The following MSRA variants were observed in gnomAD, a reference collection of about 807,000 sequenced individuals.
The protein encoded by MSRA is methionine sulfoxide reductase A.
In MSRA, 54 loss-of-function variants were observed where a neutral mutation model predicts 31.3. The ratio of observed to expected loss-of-function variants is 1.73; its 90% confidence interval spans 1.39 to 2.17. The LOEUF is 2.17. Ranked by LOEUF, MSRA falls within the 30% of genes most tolerant of loss-of-function variation. The pLI, the probability that MSRA is intolerant of heterozygous loss-of-function variation, is 0.00. For synonymous variants in MSRA, 169 were observed against 116.5 expected (o/e 1.45, Z -2.90); for missense variants, 507 against 300.9 (o/e 1.69, Z -5.07).
chr8:10,084,484 G>A (rs1486925148), intron 1 of MSRA, among the ~76,000 whole-genome samples: 10 of 152,222 alleles, frequency 6.6e-5, no homozygotes, highest in Admixed American at 5.9e-4. Flanking sequence ...ATTATTTCAT[G>A]TGGGGATTGG....
chr8:10,277,056 T>A (rs917689016), intron 3 of MSRA, among the ~76,000 whole-genome samples: 4 of 152,212 alleles, frequency 2.6e-5, no homozygotes, highest in Non-Finnish European at 4.4e-5. Flanking sequence ...AGAAAGTATA[T>A]ACCTCATTAC....
intron 1 of MSRA, among the ~76,000 whole-genome samples, chr8:10,063,562 C>CA (rs1446416734): frequency 6.6e-6 from 1 of 152,152 alleles, no homozygotes; most frequent in African/African-American, 2.4e-5. Context: ...CTCACCCCCC[C>CA]AGGTGATGGG....
At chr8:10,277,436 T>G (rs996424349) in intron 3 of MSRA, among the ~76,000 whole-genome samples, 2 of 152,192 alleles carry the variant, frequency 1.3e-5, no homozygotes, top group Non-Finnish European at 1.5e-5. Flanking sequence ...TTTCTAAGAA[T>G]AGGAAATTGA....
At chr8:10,212,399 C>T (rs1457519892) in intron 2 of MSRA, among the ~76,000 whole-genome samples, 1 of 152,008 alleles carries the variant, frequency 6.6e-6, no homozygotes, top group Non-Finnish European at 1.5e-5. Context: ...ATAATAAATA[C>T]ACACCAAGTT....
At chr8:10,074,646 C>T (rs186465970) in intron 1 of MSRA, among the ~76,000 whole-genome samples, 1 of 151,984 alleles carries the variant, frequency 6.6e-6, no homozygotes, top group African/African-American at 2.4e-5. Context: ...TAATACACCC[C>T]TTCTTCTTCT....
At chr8:10,400,453 T>C (rs1309383456) in intron 5 of MSRA, among the ~76,000 whole-genome samples, 1 of 151,844 alleles carries the variant, frequency 6.6e-6, no homozygotes, top group Non-Finnish European at 1.5e-5. Flanking sequence ...ATCAAGCCTA[T>C]TGACTCCCCA....
intron 2 of MSRA, among the ~76,000 whole-genome samples, chr8:10,217,212 G>A (rs1051205864): frequency 1.3e-5 from 2 of 152,216 alleles, no homozygotes; most frequent in Non-Finnish European, 2.9e-5. Context: ...AATTTTTCAA[G>A]GGTACTTAGG....
intron 1 of MSRA, among the ~76,000 whole-genome samples, chr8:10,114,321 T>C (rs1800515456): frequency 6.6e-6 from 1 of 152,218 alleles, no homozygotes; most frequent in Admixed American, 6.5e-5. Context: ...CTTGTGTGAA[T>C]ATATGTTTTC....
chr8:10,207,726 AT>A, intron 1 of MSRA, 106 bp from the exon 2 acceptor site: 1 of 1,044,112 alleles, frequency 9.6e-7, no homozygotes, highest in Non-Finnish European at 1.4e-6. Flanking sequence ...GCTTGGGTGC[AT>A]TTTTAACTCA....
At chr8:10,130,559 T>C (rs892243788) in intron 1 of MSRA, among the ~76,000 whole-genome samples, 15 of 152,202 alleles carry the variant, frequency 9.9e-5, no homozygotes, top group African/African-American at 3.4e-4. Context: ...ACAAAAATTG[T>C]GTAGGCTTTG....
intron 5 of MSRA, among the ~76,000 whole-genome samples, chr8:10,329,690 T>G (rs4841318): frequency 2.6e-5 from 4 of 151,732 alleles, no homozygotes; most frequent in Non-Finnish European, 4.4e-5. Context: ...GAGACTGAAA[T>G]TGGGGGCTCT....
At chr8:10,187,330 C>G (rs189342345) in intron 1 of MSRA, among the ~76,000 whole-genome samples, 1 of 152,186 alleles carries the variant, frequency 6.6e-6, no homozygotes, top group East Asian at 1.9e-4. Flanking sequence ...TTGTATTCCA[C>G]TATTTGTGGA....
At chr8:10,321,088 A>G (rs144114239) in intron 5 of MSRA, among the ~76,000 whole-genome samples, 19 of 152,334 alleles carry the variant, frequency 1.2e-4, no homozygotes, top group Non-Finnish European at 2.1e-4. Flanking sequence ...AAATATATAC[A>G]TGATATCACA....
chr8:10,353,316 G>A (rs1006504128), intron 5 of MSRA, among the ~76,000 whole-genome samples: 2 of 152,208 alleles, frequency 1.3e-5, no homozygotes, highest in African/African-American at 4.8e-5. Context: ...TTTCTGTTTA[G>A]CGCACTCACC....
chr8:10,281,392 G>A (rs970626048), intron 3 of MSRA, among the ~76,000 whole-genome samples: 3 of 152,208 alleles, frequency 2.0e-5, no homozygotes, highest in African/African-American at 7.2e-5. Context: ...AATGAATGGA[G>A]AAGGCTGACA....
intron 1 of MSRA, among the ~76,000 whole-genome samples, chr8:10,092,612 T>C (rs1020508299): frequency 2.6e-5 from 4 of 151,466 alleles, no homozygotes; most frequent in African/African-American, 9.7e-5. Flanking sequence ...GAGGTGAGAT[T>C]GTGCCTGGTG....
intron 2 of MSRA, among the ~76,000 whole-genome samples, chr8:10,215,104 G>C (rs1199726869): frequency 6.6e-6 from 1 of 152,132 alleles, no homozygotes; most frequent in Non-Finnish European, 1.5e-5. Context: ...ATTGTAGAGG[G>C]GAGTAAGTTA....
chr8:10,121,716 G>A (rs1416724447), intron 1 of MSRA, among the ~76,000 whole-genome samples: 5 of 151,814 alleles, frequency 3.3e-5, no homozygotes, highest in African/African-American at 1.2e-4. Context: ...GTTTGCCTAG[G>A]CTGGCATGCA....
At chr8:10,410,938 C>T (rs1808117471) in intron 5 of MSRA, among the ~76,000 whole-genome samples, 1 of 152,136 alleles carries the variant, frequency 6.6e-6, no homozygotes, top group Non-Finnish European at 1.5e-5. Flanking sequence ...CAAAGAACAC[C>T]TATGGCCTAT....
Sources: gnomAD v4.1 joint callset for allele counts (sites outside exome capture counted in the v4.1 genomes callset) on GRCh38, gnomAD v4.1.1 for gene constraint, MANE v1.5 for transcripts, NCBI Gene and HGNC (gene_info 2026-07-23, HGNC 2026-07-21) for gene names.